MIB1: variants seen among roughly 807,000 people sequenced by gnomAD.
The protein encoded by MIB1 is E3 ubiquitin-protein ligase MIB1.
A neutral mutation model predicts 124.5 loss-of-function variants in MIB1; 278 were observed. The ratio of observed to expected loss-of-function variants is 2.23; its 90% CI spans 2.02 to 2.47. The LOEUF (loss-of-function observed/expected upper bound fraction) is 2.47, where lower values mean the gene tolerates loss of function less well. Ranked by LOEUF, MIB1 falls within the 30% of genes most tolerant of loss-of-function variation. MIB1 has a pLI of 0.00. For synonymous variants in MIB1, 446 were observed against 429.4 expected (o/e 1.04, Z -0.48); for missense variants, 957 against 1,254.4 (o/e 0.76, Z 3.58).
chr18:21,814,181 C>G (rs958251228), intron 10 of MIB1, among the ~76,000 whole-genome samples: 1 of 151,978 alleles, frequency 6.6e-6, no homozygotes, highest in East Asian at 1.9e-4. Context: ...CTATTTGATT[C>G]TTCTGAAATA....
At position 21,819,285 on chromosome 18, in the gene MIB1, C is replaced by T. The variant is rs45508892; in HGVS notation, c.1678-210C>T. 0.031 allele frequency among the ~76,000 whole-genome samples: 4,661 copies of T among 152,228 alleles called. 115 individuals carry two copies. Among genetic ancestry groups the T allele is most frequent in the Middle Eastern group, 0.045 (13 of 292 alleles). On this transcript the variant is annotated intron_variant, in intron 11 of 20. Coordinates refer to ENST00000261537, the MANE Select transcript of MIB1 (RefSeq NM_020774.4). Reference sequence around the variant, plus strand: ...AACTCCTGGCCTCTGCTGATCCTCCCGCCTCAGCCTCCCAAAGTGCTAGGG... The same window carrying T: ...AACTCCTGGCCTCTGCTGATCCTCCTGCCTCAGCCTCCCAAAGTGCTAGGG...
intron 6 of MIB1, among the ~76,000 whole-genome samples, chr18:21,789,166 G>A (rs747274368): frequency 6.6e-6 from 1 of 152,134 alleles, no homozygotes; most frequent in Non-Finnish European, 1.5e-5. Context: ...GACTTTCAGG[G>A]AGAATCTGTT....
chr18:21,710,215 C>A (rs896627368), intron 1 of MIB1, among the ~76,000 whole-genome samples: 1 of 151,884 alleles, frequency 6.6e-6, no homozygotes, highest in Non-Finnish European at 1.5e-5. Context: ...CCGCCTTAGC[C>A]TCCCGAGTTA....
intron 9 of MIB1, among the ~76,000 whole-genome samples, chr18:21,801,580 T>G (rs1307653211): frequency 6.6e-6 from 1 of 152,162 alleles, no homozygotes; most frequent in African/African-American, 2.4e-5. Flanking sequence ...ACACCTCTAT[T>G]AAGATGTAGA....
rs539197580 is a variant in MIB1 at position 21,743,077 on chromosome 18, A to G, written c.229+1265A>G. On this transcript the variant is annotated intron_variant, in intron 1 of 20. Coordinates refer to ENST00000261537, the MANE Select transcript of MIB1 (RefSeq NM_020774.4). ...GATTACAGGAGTCAGCCACAAGGCC[A>G]GGCTTCAGATAGCTTTTTGAATATT... 3.3e-5 allele frequency among the ~76,000 whole-genome samples: 5 copies of G among 152,360 alleles called. No individual in the cohort carries two copies. In the South Asian group the frequency reaches 1.0e-3, roughly 32 times the overall value.
At chr18:21,745,385 C>T (rs1227047296) in intron 1 of MIB1, among the ~76,000 whole-genome samples, 2 of 152,186 alleles carry the variant, frequency 1.3e-5, no homozygotes, top group East Asian at 3.9e-4. Flanking sequence ...CCATTAGCAG[C>T]AGTAGCACCC....
intron 12 of MIB1, chr18:21,827,339 G>T (rs750211320): frequency 6.6e-6 from 1 of 151,958 alleles, no homozygotes; most frequent in Non-Finnish European, 1.5e-5. Context: ...AAAATGAATA[G>T]CCTGTCATTT....
At chr18:21,856,261 C>CAAAA in intron 18 of MIB1, among the ~76,000 whole-genome samples, 1 of 130,832 alleles carries the variant, frequency 7.6e-6, no homozygotes, top group East Asian at 2.3e-4. Context: ...AAACAAAAAA[C>CAAAA]AAAACAAAAC....
At position 21,862,627 on chromosome 18, in the gene MIB1, T is replaced by C. The variant is rs376606470; in HGVS notation, c.2881-1899T>C. 1.2e-4 allele frequency among the ~76,000 whole-genome samples: 19 copies of C among 152,334 alleles called. No homozygotes were observed. The South Asian group carries it at 3.1e-3, about 25-fold the overall frequency. On this transcript the variant is annotated intron_variant, in intron 20 of 20. Transcript: ENST00000261537. ...TTGTTTTAATTCAGGGGAATCTACA[T>C]TGATAGTAATACAGTGCAGCACAGT...
rs1319479819 is a variant in MIB1, at chr18:21,868,161, G to A, written c.*3495G>A. On this transcript the variant is annotated 3_prime_UTR_variant, in exon 21 of 21. Coordinates refer to ENST00000261537, the MANE Select transcript of MIB1 (RefSeq NM_020774.4). ...TAACATAAAATTTACCATATTAACTGTTTCTAAAGAATACAGTTCAGCCAT... is the reference window on the plus strand; with the variant it reads ...TAACATAAAATTTACCATATTAACTATTTCTAAAGAATACAGTTCAGCCAT... 6.6e-6 allele frequency: 1 copy of A among 151,872 alleles called. No individual in the cohort carries two copies. Among genetic ancestry groups the A allele is most frequent in the African/African-American group, 2.4e-5 (1 of 41,386 alleles). 9.4% of individuals were successfully genotyped at this position (151,872 alleles called of 1,614,324 possible).
At position 21,844,253 on chromosome 18, in the gene MIB1, G is replaced by A. The variant is rs764288581; in HGVS notation, c.2211G>A (p.Thr737=). ...VDAAWEPSKN[T]LIMGLGTQGA... ...CTGCCTGGGAGCCATCCAAAAACAC[G>A]GTGAGTAAAGATCATCTTTCATTCA... The change falls in exon 15 of 21, where the codon ACG becomes ACA. Residue 737 remains threonine, a splice_region_variant and synonymous_variant. Coordinates refer to ENST00000261537, the MANE Select transcript of MIB1 (RefSeq NM_020774.4). The A allele has an allele frequency of 3.3e-5, 54 of 1,613,592 alleles. No individual in the cohort carries two copies. Among genetic ancestry groups the A allele is most frequent in the Admixed American group, 5.0e-5 (3 of 59,946 alleles).
At chr18:21,819,736 T>C in intron 12 of MIB1, 90 bp downstream of exon 12, 4 of 977,612 alleles carry the variant, frequency 4.1e-6, no homozygotes, top group Non-Finnish European at 5.6e-6. Context: ...GAAATAATTT[T>C]GGCTATTTTA....
At chr18:21,739,795 G>A (rs957485944), upstream of MIB1, among the ~76,000 whole-genome samples, 3 of 151,876 alleles carry the variant, frequency 2.0e-5, no homozygotes, top group African/African-American at 7.3e-5. Flanking sequence ...CGTTCCTGAG[G>A]TCCCAGCTAC....
At chr18:21,784,816 T>A (rs1275746223) in intron 6 of MIB1, among the ~76,000 whole-genome samples, 2 of 151,096 alleles carry the variant, frequency 1.3e-5, no homozygotes, top group African/African-American at 4.9e-5. Context: ...GGAAAGGGAG[T>A]CTCCCTTTCC....
intron 7 of MIB1, among the ~76,000 whole-genome samples, chr18:21,795,399 T>G (rs965194863): frequency 6.2e-5 from 9 of 144,874 alleles, no homozygotes; most frequent in Non-Finnish European, 1.4e-4. Flanking sequence ...TTTTTATATA[T>G]ACACACACAT....
intron 13 of MIB1, among the ~76,000 whole-genome samples, chr18:21,840,644 TA>T (rs1568222903): frequency 0.024 from 44 of 1,838 alleles, 1 homozygote; most frequent in Admixed American, 0.031. Context: ...TATATATATA[TA>T]TATATATATA....
In MIB1 at chr18:21,741,531, C is replaced by G; in HGVS notation, c.-53C>G. On this transcript the variant is annotated 5_prime_UTR_variant, in exon 1 of 21. Transcript: ENST00000261537. This position sits in a 1 kb window ranked among gnomAD's most constrained non-coding sequence, Gnocchi z 5.4. ...CCCAACTCCCTCACGGGCCCCCCGG[C>G]GGCAGCGGCGGCGGCGGCGGCGGCA... 7.8e-7 allele frequency: 1 copy of G among 1,274,360 alleles called. No individual in the cohort carries two copies. Among genetic ancestry groups the G allele is most frequent in the Non-Finnish European group, 1.0e-6 (1 of 1,001,026 alleles). 78.9% of individuals were successfully genotyped at this position (1,274,360 alleles called of 1,614,324 possible). A position where few individuals can be genotyped will look rare whatever the true frequency, so the allele number is the denominator to read the frequency against.
chr18:21,729,055 T>A (rs915998077), intron 1 of MIB1, among the ~76,000 whole-genome samples: 6 of 152,324 alleles, frequency 3.9e-5, no homozygotes, highest in Middle Eastern at 6.8e-3. Context: ...CCCCCAATCA[T>A]TTCAACTGCA....
Position 21,844,139 on chromosome 18 carries a change from G to C in MIB1, c.2097G>C (p.Gly699=), listed in dbSNP as rs372697808. 5 of 1,613,952 alleles carry C rather than the reference G, an allele frequency of 3.1e-6. No individual in the cohort carries two copies. The African/African-American group carries it at 4.0e-5, about 13-fold the overall frequency. Residue 699 remains glycine, a synonymous_variant, in exon 15 of 21, where the codon GGG becomes GGC. Coordinates refer to ENST00000261537, the MANE Select transcript of MIB1 (RefSeq NM_020774.4). The part of the protein sequence containing the change: ...GAKLDIQDKD[G]DTPLHEALRH... ...AGCTTGATATTCAGGATAAGGATGG[G>C]GATACTCCTTTGCATGAAGCTCTAA...
Sources: gnomAD v4.1 joint callset for allele counts (sites outside exome capture counted in the v4.1 genomes callset) on GRCh38, gnomAD v4.1.1 for gene constraint, Gnocchi (gnomAD v3.1) non-coding constraint, MANE v1.5 for transcripts, NCBI Gene and HGNC (gene_info 2026-07-23, HGNC 2026-07-21) for gene names.